PAPPA2: variants seen among roughly 807,000 people sequenced by gnomAD.
The protein encoded by PAPPA2 is pappalysin-2.
PAPPA2 carries 86 observed loss-of-function variants against 176.4 expected under a neutral mutation model. That is an observed-to-expected ratio of 0.49 (90% CI 0.41 to 0.58). PAPPA2 has a LOEUF of 0.58. Among genes scored for constraint, PAPPA2 ranks in the 20% least tolerant of loss-of-function variants. The pLI is 0.00. For missense variants in PAPPA2, 2,073 were observed against 2,256.9 expected (o/e 0.92, Z 1.65); for synonymous variants, 809 against 852.2 (o/e 0.95, Z 0.88).
intron 1 of PAPPA2, among the ~76,000 whole-genome samples, chr1:176,516,123 T>G (rs1460927405): frequency 6.6e-6 from 1 of 152,166 alleles, no homozygotes; most frequent in Non-Finnish European, 1.5e-5. Flanking sequence ...GAAGAGCAAC[T>G]GTGTAGGGGA....
At chr1:176,585,181 T>C (rs1653232452) in intron 2 of PAPPA2, among the ~76,000 whole-genome samples, 1 of 152,250 alleles carries the variant, frequency 6.6e-6, no homozygotes. Flanking sequence ...CTAGTGGTGA[T>C]GAATTCCCCA....
At chr1:176,695,960 ATGTGTATGTGTGTGTGTGTGTG>A in intron 7 of PAPPA2, 101 bp downstream of exon 7, 5 of 1,184,736 alleles carry the variant, frequency 4.2e-6, no homozygotes, top group Non-Finnish European at 4.7e-6. Flanking sequence ...AAGGCAATGT[ATGTGTATGTGTGTGTGTGTGTG>A]TGTGTGTGTG....
intron 2 of PAPPA2, among the ~76,000 whole-genome samples, chr1:176,586,888 A>T (rs192259171): frequency 1.4e-3 from 215 of 152,310 alleles, no homozygotes; most frequent in African/African-American, 5.1e-3. Context: ...ACACAGGATG[A>T]ATTAATTTAC....
At position 176,704,969 on chromosome 1, in the gene PAPPA2, C is replaced by T. The variant is rs571716734; in HGVS notation, c.3366-1390C>T. On this transcript the variant is annotated intron_variant, in intron 9 of 22. Transcript: ENST00000367662. ...GGCTTTCATTACAGTTCTGTTGGGC[C>T]GCATGGCACAAGATGATACATAGCA... is the stretch of plus-strand genomic sequence containing the variant. Among the ~76,000 whole-genome samples the T allele has an allele frequency of 7.2e-5, 11 of 151,962 alleles. No individual in the cohort carries two copies. In the South Asian group the frequency reaches 1.3e-3, roughly 17 times the overall value.
chr1:176,824,571 T>G (rs1666783129), intron 21 of PAPPA2, among the ~76,000 whole-genome samples: 1 of 152,214 alleles, frequency 6.6e-6, no homozygotes, highest in Admixed American at 6.5e-5. Context: ...GTAAATTGAA[T>G]ATGCATTATC....
At chr1:176,526,262 T>A (rs140898148) in intron 1 of PAPPA2, among the ~76,000 whole-genome samples, 56 of 152,298 alleles carry the variant, frequency 3.7e-4, no homozygotes, top group African/African-American at 1.3e-3. Flanking sequence ...AAAGACTGCT[T>A]TGTATCCACT....
chr1:176,709,470 G>A (rs1382614785), intron 10 of PAPPA2, among the ~76,000 whole-genome samples: 3 of 152,082 alleles, frequency 2.0e-5, no homozygotes, highest in African/African-American at 7.2e-5. Context: ...CAGTGTAATA[G>A]CAGTCACGCA....
chr1:176,573,245 A>G (rs1652457491), intron 2 of PAPPA2, among the ~76,000 whole-genome samples: 1 of 152,112 alleles, frequency 6.6e-6, no homozygotes, highest in African/African-American at 2.4e-5. Context: ...GGGGATGTAG[A>G]TCCTGTTGTG....
chr1:176,485,373 T>C (rs2102485565), intron 1 of PAPPA2, among the ~76,000 whole-genome samples: 1 of 152,310 alleles, frequency 6.6e-6, no homozygotes, highest in South Asian at 2.1e-4. Context: ...GACTTCTTGC[T>C]ATTTCTCAAA....
chr1:176,540,006 T>C (rs1650283642), intron 1 of PAPPA2, among the ~76,000 whole-genome samples: 1 of 152,202 alleles, frequency 6.6e-6, no homozygotes, highest in African/African-American at 2.4e-5. Flanking sequence ...TTTCTGATCT[T>C]AGTCTGCTGG....
At chr1:176,687,808 G>A (rs905746578) in intron 4 of PAPPA2, among the ~76,000 whole-genome samples, 3 of 152,070 alleles carry the variant, frequency 2.0e-5, no homozygotes, top group Non-Finnish European at 4.4e-5. Context: ...GTACTCCAGA[G>A]ATATCAAAAG....
chr1:176,782,089 G>T (rs1169970387), intron 17 of PAPPA2, among the ~76,000 whole-genome samples: 6 of 152,184 alleles, frequency 3.9e-5, no homozygotes, highest in African/African-American at 7.2e-5. Context: ...TAGCTCCATT[G>T]GTAGAAACCT....
chr1:176,653,591 A>G (rs916031756), intron 3 of PAPPA2, among the ~76,000 whole-genome samples: 1 of 151,706 alleles, frequency 6.6e-6, no homozygotes, highest in Non-Finnish European at 1.5e-5. Context: ...CAACAAATTT[A>G]GTAATGATTA....
chr1:176,580,386 G>T (rs767144322), intron 2 of PAPPA2, among the ~76,000 whole-genome samples: 23 of 152,020 alleles, frequency 1.5e-4, no homozygotes, highest in Non-Finnish European at 2.9e-4. Context: ...TTTATATACT[G>T]CATCTTCTTT....
chr1:176,569,780 G>A lies in PAPPA2; in HGVS notation c.919+12539G>A, dbSNP rs1652209471. Among the ~76,000 whole-genome samples, 3 of 152,192 alleles carry A rather than the reference G, an allele frequency of 2.0e-5. No individual in the cohort carries two copies. In the South Asian group the frequency reaches 6.2e-4, roughly 32 times the overall value. On this transcript the variant is annotated intron_variant, in intron 2 of 22. Transcript: ENST00000367662. ...TTCAATATGTATTTGATAAGAAGAT[G>A]AAGGATGAACTAATTCTATTTGGAA... is the stretch of plus-strand genomic sequence containing the variant.
intron 2 of PAPPA2, among the ~76,000 whole-genome samples, chr1:176,558,148 T>G (rs921068279): frequency 2.0e-5 from 3 of 152,182 alleles, no homozygotes; most frequent in Non-Finnish European, 4.4e-5. Flanking sequence ...TACCTTATCC[T>G]TTTGAATTCC....
chr1:176,505,005 C>A (rs1183553272), intron 1 of PAPPA2, among the ~76,000 whole-genome samples: 1 of 152,058 alleles, frequency 6.6e-6, no homozygotes, highest in East Asian at 1.9e-4. Flanking sequence ...TGATCTAGCC[C>A]ATCCTACCTA....
chr1:176,637,539 A>G (rs949945572), intron 3 of PAPPA2, among the ~76,000 whole-genome samples: 1 of 152,146 alleles, frequency 6.6e-6, no homozygotes, highest in East Asian at 1.9e-4. Flanking sequence ...TTTGTGGGAC[A>G]GATTCTATAA....
At chr1:176,750,650 A>G (rs1571270138) in intron 14 of PAPPA2, among the ~76,000 whole-genome samples, 1 of 152,206 alleles carries the variant, frequency 6.6e-6, no homozygotes, top group African/African-American at 2.4e-5. Context: ...ACAACAACAA[A>G]CAATTAGCAC....
Sources: gnomAD v4.1 joint callset for allele counts (sites outside exome capture counted in the v4.1 genomes callset) on GRCh38, gnomAD v4.1.1 for gene constraint, MANE v1.5 for transcripts, NCBI Gene and HGNC (gene_info 2026-07-23, HGNC 2026-07-21) for gene names.